The following TRPS1 variants were observed in gnomAD, a reference collection of about 807,000 sequenced individuals.
The protein encoded by TRPS1 is transcriptional repressor GATA binding 1.
A neutral mutation model predicts 101.2 loss-of-function variants in TRPS1; 6 were observed. The observed-to-expected ratio is 0.06, with a 90% CI of 0.03 to 0.12. The LOEUF (loss-of-function observed/expected upper bound fraction) is 0.12, where lower values mean the gene tolerates loss of function less well. Among genes scored for constraint, TRPS1 ranks in the 10% least tolerant of loss-of-function variants. The pLI is 1.00. For synonymous variants in TRPS1, 578 were observed against 589.8 expected (o/e 0.98, Z 0.29); for missense variants, 1,363 against 1,567.0 (o/e 0.87, Z 2.20).
chr8:115,667,394 A>G (rs1441100533), intron 1 of TRPS1, among the ~76,000 whole-genome samples: 1 of 152,150 alleles, frequency 6.6e-6, no homozygotes, highest in Non-Finnish European at 1.5e-5. Context: ...AGTTATTTGG[A>G]GGGACAGCGA....
intron 5 of TRPS1, among the ~76,000 whole-genome samples, chr8:115,494,291 T>C (rs1043158293): frequency 6.6e-6 from 1 of 152,244 alleles, no homozygotes; most frequent in Non-Finnish European, 1.5e-5. Flanking sequence ...ATACTTTGTT[T>C]CGTGGGCCTC....
intron 5 of TRPS1, among the ~76,000 whole-genome samples, chr8:115,534,281 C>T (rs1816225879): frequency 1.3e-5 from 2 of 150,256 alleles, no homozygotes; most frequent in South Asian, 4.3e-4. Flanking sequence ...GAAGCTCTAA[C>T]CCCGATACCA....
chr8:115,648,225 G>A (rs186768656), intron 1 of TRPS1, among the ~76,000 whole-genome samples: 2 of 152,282 alleles, frequency 1.3e-5, no homozygotes, highest in Admixed American at 6.5e-5. Context: ...AGGGCAGAGG[G>A]AGTGGGAAGA....
Position 115,421,608 on chromosome 8 carries a change from G to T in TRPS1, c.2701-3156C>A, listed in dbSNP as rs560987787. Among the ~76,000 whole-genome samples the T allele has an allele frequency of 4.6e-5, 7 of 152,230 alleles. No individual in the cohort carries two copies. The South Asian group carries it at 1.4e-3, about 32-fold the overall frequency. On this transcript the variant is annotated intron_variant, in intron 5 of 6. Transcript: ENST00000395715. ...GCATGGGGGTGGAGAGTGGGAGGTA[G>T]GTGAGAAATTCTTTCACACATGAAG...
chr8:115,641,632 T>C (rs1353078251), intron 1 of TRPS1, among the ~76,000 whole-genome samples: 1 of 152,156 alleles, frequency 6.6e-6, no homozygotes, highest in Non-Finnish European at 1.5e-5. Context: ...AACTCCATTT[T>C]CATTTGGGAG....
In TRPS1 at chr8:115,604,149, T is replaced by A. The variant is rs377116781; in HGVS notation, c.1820A>T (p.His607Leu). 1.2e-6 allele frequency: 2 copies of A among 1,613,978 alleles called. No individual in the cohort carries two copies. Among genetic ancestry groups the A allele is most frequent in the East Asian group, 2.2e-5 (1 of 44,890 alleles). ...PFACRKSNCS[H>L]CALLLLHLSP... is the part of the protein sequence containing the mutation. ...CAAGTGCAGAAGCAAGAGTGCACAG[T>A]GGGAACAATTACTTTTTCTACAAGC... Residue 607 changes from histidine to leucine, a missense_variant, in exon 4 of 7, where the codon CAC becomes CTC. By Grantham distance (99) the His-to-Leu change is moderately conservative. This residue lies in a region of TRPS1 where 1,020 missense variants were observed against 1,073.0 expected (regional missense o/e 0.95). Transcript: ENST00000395715. This position sits in a 1 kb window ranked among gnomAD's most constrained non-coding sequence, Gnocchi z 4.1.
Position 115,619,177 on chromosome 8 carries a change from G to A in TRPS1, c.921C>T (p.Ile307=). 1 of 1,614,122 alleles carries A rather than the reference G, an allele frequency of 6.2e-7. No homozygotes were observed. The highest frequency in any genetic ancestry group is 8.5e-7 in the Non-Finnish European group (1 of 1,180,012). The change falls in exon 3 of 7, where the codon ATC becomes ATT. Residue 307 remains isoleucine (I), a synonymous_variant. Transcript: ENST00000395715. The part of the protein sequence containing the change: ...RSVFSGVLQD[I]NSSRPVLLNG... ...TTAGTAAAACAGGCCTTGAAGAATTGATGTCCTGCAGCACACCAGAAAACA... is the reference window on the plus strand; with the variant it reads ...TTAGTAAAACAGGCCTTGAAGAATTAATGTCCTGCAGCACACCAGAAAACA...
At chr8:115,665,674 G>A (rs866982279) in intron 1 of TRPS1, among the ~76,000 whole-genome samples, 2 of 152,088 alleles carry the variant, frequency 1.3e-5, no homozygotes, top group Admixed American at 1.3e-4. Flanking sequence ...TAAAATATTA[G>A]TCATCGAAAT....
chr8:115,451,259 C>CTA (rs1813863927), intron 5 of TRPS1, among the ~76,000 whole-genome samples: 1 of 152,106 alleles, frequency 6.6e-6, no homozygotes, highest in African/African-American at 2.4e-5. Context: ...CCAAATGTGG[C>CTA]TATATACACA....
At chr8:115,433,851 C>A (rs544990370) in intron 5 of TRPS1, among the ~76,000 whole-genome samples, 1 of 152,036 alleles carries the variant, frequency 6.6e-6, no homozygotes, top group African/African-American at 2.4e-5. Flanking sequence ...AGGCATTTGC[C>A]GGGGAAAAAT....
intron 5 of TRPS1, among the ~76,000 whole-genome samples, chr8:115,429,056 C>G (rs952008064): frequency 9.9e-5 from 15 of 152,068 alleles, no homozygotes; most frequent in African/African-American, 3.6e-4. Context: ...TTTTAAAAGA[C>G]GAAGTGGAAT....
chr8:115,664,651 T>C lies in TRPS1; in HGVS notation c.-122+3894A>G, dbSNP rs190505003. On this transcript the variant is annotated intron_variant, in intron 1 of 6. Coordinates refer to ENST00000395715, the MANE Select transcript of TRPS1 (RefSeq NM_014112.5). The stretch of plus-strand genomic sequence containing the variant: ...AGCAAAAGAGGGAGAAAAAGAAACC[T>C]ATTACCTGAAAGCTTGACCTAGCAA... 2.2e-3 allele frequency among the ~76,000 whole-genome samples: 328 copies of C among 152,206 alleles called. 1 individual carries two copies. The highest frequency in any genetic ancestry group is 7.6e-3 in the African/African-American group (315 of 41,562).
chr8:115,516,226 T>C (rs1357041317), intron 5 of TRPS1, among the ~76,000 whole-genome samples: 1 of 151,152 alleles, frequency 6.6e-6, no homozygotes, highest in African/African-American at 2.4e-5. Context: ...TGTATAAATC[T>C]TGCCATAGGT....
At chr8:115,432,650 A>G (rs1239129949) in intron 5 of TRPS1, among the ~76,000 whole-genome samples, 2 of 151,946 alleles carry the variant, frequency 1.3e-5, no homozygotes. Flanking sequence ...TATAAAAGTA[A>G]TAACTTTTAA....
At position 115,414,273 on chromosome 8, in the gene TRPS1, A is replaced by C. The variant is rs1812858015; in HGVS notation, c.3635T>G (p.Val1212Gly). The C allele has an allele frequency of 6.2e-7, 1 of 1,613,878 alleles. No individual in the cohort carries two copies. The highest frequency in any genetic ancestry group is 1.3e-5 in the African/African-American group (1 of 74,898). The change falls in exon 7 of 7, where the codon GTA (valine) becomes GGA (glycine). Residue 1212 changes from valine to glycine, a missense_variant. Val to Gly is a moderately radical substitution (Grantham distance 109, BLOSUM62 -3). This residue lies in a region of TRPS1 where 307 missense variants were observed against 392.4 expected (regional missense o/e 0.78). Coordinates refer to ENST00000395715, the MANE Select transcript of TRPS1 (RefSeq NM_014112.5). This position sits in a 1 kb window ranked among gnomAD's most constrained non-coding sequence, Gnocchi z 4.8. ...PNVKNEGPLNVVKTEKVDRST... is the reference protein window; with the variant it reads ...PNVKNEGPLNGVKTEKVDRST... ...TCTATCAACTTTCTCTGTTTTTACTACATTCAAGGGACCTTCATTTTTTAC... is the reference window on the plus strand; with the variant it reads ...TCTATCAACTTTCTCTGTTTTTACTCCATTCAAGGGACCTTCATTTTTTAC...
At chr8:115,447,811 A>T (rs1813774773) in intron 5 of TRPS1, among the ~76,000 whole-genome samples, 2 of 152,172 alleles carry the variant, frequency 1.3e-5, no homozygotes, top group Admixed American at 1.3e-4. Context: ...AGTGTCACCT[A>T]CTATGAAATC....
chr8:115,639,730 G>A (rs1302124353), intron 1 of TRPS1, among the ~76,000 whole-genome samples: 1 of 152,148 alleles, frequency 6.6e-6, no homozygotes, highest in Non-Finnish European at 1.5e-5. Context: ...TCCAGAGGCT[G>A]AGGCAGGAGG....
At chr8:115,591,462 C>G (rs1284489827) in intron 4 of TRPS1, among the ~76,000 whole-genome samples, 1 of 152,098 alleles carries the variant, frequency 6.6e-6, no homozygotes, top group Non-Finnish European at 1.5e-5. Context: ...TCCTAGGTCC[C>G]TGCCCAAAAC....
In TRPS1 at chr8:115,471,982, T is replaced by C. The variant is rs559394868; in HGVS notation, c.2701-53530A>G. 3.8e-3 allele frequency among the ~76,000 whole-genome samples: 583 copies of C among 152,338 alleles called. 7 individuals carry two copies. Among genetic ancestry groups the C allele is most frequent in the Middle Eastern group, 0.01 (3 of 294 alleles). ...CCCAGCTGCCTTCATGGTCTGGCAC[T>C]GAGTGTCTGCAGTTTTTCTAGGCAA... On this transcript the variant is annotated intron_variant, in intron 5 of 6. Coordinates refer to ENST00000395715, the MANE Select transcript of TRPS1 (RefSeq NM_014112.5).
Sources: allele counts gnomAD v4.1 joint callset (sites outside exome capture counted in the v4.1 genomes callset), GRCh38; gene constraint gnomAD v4.1.1; regional missense constraint gnomAD v4.1.1; non-coding constraint Gnocchi (gnomAD v3.1); transcripts MANE v1.5; gene names NCBI Gene and HGNC (gene_info 2026-07-23, HGNC 2026-07-21).